TICAM1: variants seen among roughly 807,000 people sequenced by gnomAD.
TICAM1 encodes TIR domain containing adaptor molecule 1, also known as TIR domain-containing adapter molecule 1.
For missense variants in TICAM1, 895 were observed against 938.2 expected (o/e 0.95, Z 0.60); for synonymous variants, 439 against 415.4 (o/e 1.06, Z -0.69).
chr19:4,827,627 G>A (rs1319891862), intron 1 of TICAM1, among the ~76,000 whole-genome samples: 3 of 151,422 alleles, frequency 2.0e-5, no homozygotes, highest in African/African-American at 4.9e-5. Context: ...GTGTGGTGGC[G>A]GGCACCTGTA....
At position 4,818,033 on chromosome 19, in the gene TICAM1, G is replaced by A. The variant is rs781668575; in HGVS notation, c.345C>T (p.Asp115=). The change falls in exon 2 of 2, where the codon GAC becomes GAT. Residue 115 remains aspartate (D), a synonymous_variant. Transcript: ENST00000248244. This position sits in a 1 kb window ranked among gnomAD's most constrained non-coding sequence, Gnocchi z 4.0. ...TGCGGACGGCTTCCTGGTAGGCCAC[G>A]TCCCGCAGCGAGGCGGGGCACAGCT... is the stretch of plus-strand genomic sequence containing the variant. ...EEKLCPASLR[D]VAYQEAVRTL... The A allele has an allele frequency of 6.3e-5, 101 of 1,609,780 alleles. No individual in the cohort carries two copies. The Admixed American group carries it at 9.3e-4, about 15-fold the overall frequency.
Position 4,817,670 on chromosome 19 carries a change from G to T in TICAM1, c.708C>A (p.Ala236=). The T allele has an allele frequency of 6.3e-7, 1 of 1,584,562 alleles. No individual in the cohort carries two copies. Residue 236 remains alanine (A), a synonymous_variant, in exon 2 of 2, where the codon GCC becomes GCA. Transcript: ENST00000248244. The surrounding 1 kb of genome is among the most constrained non-coding windows in gnomAD (Gnocchi z 4.7). ...GPSKLCDDPQ[A]SLVPEPVPGG... is the part of the protein sequence containing the mutation. ...CGGGGACAGGCTCGGGCACCAAGCTGGCCTGGGGGTCGTCACAGAGCTTGC... is the reference window on the plus strand; with the variant it reads ...CGGGGACAGGCTCGGGCACCAAGCTTGCCTGGGGGTCGTCACAGAGCTTGC...
rs1431748150 is a variant in TICAM1, at chr19:4,818,542, C to T, written c.-139-26G>A. The T allele has an allele frequency of 9.5e-6, 13 of 1,375,416 alleles. No homozygotes were observed. Among genetic ancestry groups the T allele is most frequent in the Non-Finnish European group, 1.1e-5 (12 of 1,051,490 alleles). 85.2% of individuals were successfully genotyped at this position (1,375,416 alleles called of 1,614,324 possible). ...CTGTAGGAAACAGGAGAAGCAAACA[C>T]ACTTACCCCCAAGAAAGGTCAGCAC... On this transcript the variant is annotated intron_variant, in intron 1 of 1. Coordinates refer to ENST00000248244, the MANE Select transcript of TICAM1 (RefSeq NM_182919.4). The surrounding 1 kb of genome is among the most constrained non-coding windows in gnomAD (Gnocchi z 4.0).
Position 4,818,341 on chromosome 19 carries a change from C to A in TICAM1, c.37G>T (p.Asp13Tyr), listed in dbSNP as rs142880589. The A allele has an allele frequency of 6.2e-7, 1 of 1,610,798 alleles. No homozygotes were observed. Among genetic ancestry groups the A allele is most frequent in the Non-Finnish European group, 8.5e-7 (1 of 1,178,946 alleles). The change falls in exon 2 of 2, where the codon GAC becomes TAC. Residue 13 changes from aspartate to tyrosine, a missense_variant. Coordinates refer to ENST00000248244, the MANE Select transcript of TICAM1 (RefSeq NM_182919.4). The surrounding 1 kb of genome is among the most constrained non-coding windows in gnomAD (Gnocchi z 4.0). ...TCCTGGCCTGCTGCACCTAGAATGT[C>A]GAAGGCGCTAGGAAGTGATGGGCCT... ...CTGPSLPSAF[D>Y]ILGAAGQDKL...
intron 1 of TICAM1, among the ~76,000 whole-genome samples, chr19:4,827,862 C>T (rs894430082): frequency 1.3e-5 from 2 of 152,010 alleles, no homozygotes; most frequent in African/African-American, 4.8e-5. Context: ...AATACCCCCA[C>T]CCCCCGTTAA....
At chr19:4,819,232 C>T (rs2093593182) in intron 1 of TICAM1, among the ~76,000 whole-genome samples, 1 of 150,804 alleles carries the variant, frequency 6.6e-6, no homozygotes. Context: ...TATGATGGTA[C>T]CACTGCACTC....
intron 1 of TICAM1, among the ~76,000 whole-genome samples, chr19:4,824,841 G>A (rs1382055966): frequency 6.6e-6 from 1 of 152,054 alleles, no homozygotes; most frequent in Non-Finnish European, 1.5e-5. Context: ...GCTGAGGTGG[G>A]AGAATCACCT....
rs770034965 is a variant in TICAM1, at chr19:4,817,023, A to G, written c.1355T>C (p.Ile452Thr). 1.8e-5 allele frequency: 29 copies of G among 1,614,012 alleles called. No individual in the cohort carries two copies. The highest frequency in any genetic ancestry group is 1.6e-4 in the Middle Eastern group (1 of 6,084). Residue 452 changes from isoleucine to threonine, a missense_variant, in exon 2 of 2, where the codon ATC becomes ACC. Coordinates refer to ENST00000248244, the MANE Select transcript of TICAM1 (RefSeq NM_182919.4). This position sits in a 1 kb window ranked among gnomAD's most constrained non-coding sequence, Gnocchi z 4.7. ...LQDAIDHSAF[I>T]ILLLTSNFDC... ...GAAGTTGGAGGTGAGAAGTAGGATG[A>G]TGAAAGCTGAGTGGTCTATGGCGTC... is the stretch of plus-strand genomic sequence containing the variant.
intron 1 of TICAM1, among the ~76,000 whole-genome samples, chr19:4,829,167 C>T (rs1277922194): frequency 3.9e-5 from 6 of 152,134 alleles, no homozygotes; most frequent in Non-Finnish European, 7.3e-5. Context: ...GCCTGGCACA[C>T]GCATGCCCCA....
chr19:4,817,129 C>T lies in TICAM1; in HGVS notation c.1249G>A (p.Glu417Lys). ...HIALRVREKL[E>K]ALGVPDGATF... ...GCCCCGTCGGGCACGCCAAGGGCCT[C>T]CAGCTTCTCCCGAACCCGCAGGGCG... Residue 417 changes from glutamate to lysine, a missense_variant, in exon 2 of 2, where the codon GAG (glutamate) becomes AAG (lysine). By Grantham distance (56) the Glu-to-Lys change is moderately conservative. Transcript: ENST00000248244. This position sits in a 1 kb window ranked among gnomAD's most constrained non-coding sequence, Gnocchi z 4.7. 1 of 1,614,104 alleles carries T rather than the reference C, an allele frequency of 6.2e-7. No homozygotes were observed. The highest frequency in any genetic ancestry group is 8.5e-7 in the Non-Finnish European group (1 of 1,180,014).
At chr19:4,830,655 C>G (rs541081503) in intron 1 of TICAM1, among the ~76,000 whole-genome samples, 3 of 152,156 alleles carry the variant, frequency 2.0e-5, no homozygotes, top group Non-Finnish European at 1.5e-5. Context: ...GGGAGACCAA[C>G]AGTAAGCGAG....
Position 4,816,279 on chromosome 19 carries a change from C to T in TICAM1, c.2099G>A (p.Gly700Glu). The change falls in exon 2 of 2, where the codon GGG becomes GAG. Residue 700 changes from glycine to glutamate, a missense_variant. By Grantham distance (98) the Gly-to-Glu change is moderately conservative. Transcript: ENST00000248244. This position sits in a 1 kb window ranked among gnomAD's most constrained non-coding sequence, Gnocchi z 4.3. ...GLNNHMWNQR[G>E]SQAPEDKTQE... ...CGTCTTGTCCTCGGGCGCCTGGGACCCTCTCTGGTTCCACATGTGGTTGTT... is the reference window on the plus strand; with the variant it reads ...CGTCTTGTCCTCGGGCGCCTGGGACTCTCTCTGGTTCCACATGTGGTTGTT... 2 of 1,515,886 alleles carry T rather than the reference C, an allele frequency of 1.3e-6. No individual in the cohort carries two copies. Among genetic ancestry groups the T allele is most frequent in the Non-Finnish European group, 1.8e-6 (2 of 1,133,134 alleles). The allele number at this position is 1,515,886 out of a possible 1,614,324, so 93.9% of individuals were successfully genotyped here. A position where few individuals can be genotyped will look rare whatever the true frequency, so the allele number is the denominator to read the frequency against.
chr19:4,828,848 G>C (rs539946419), intron 1 of TICAM1, among the ~76,000 whole-genome samples: 1 of 151,798 alleles, frequency 6.6e-6, no homozygotes, highest in African/African-American at 2.4e-5. Flanking sequence ...GACTACAGGT[G>C]CATGCCACCA....
At chr19:4,823,568 G>A (rs745322415) in intron 1 of TICAM1, among the ~76,000 whole-genome samples, 1 of 151,970 alleles carries the variant, frequency 6.6e-6, no homozygotes. Flanking sequence ...CTGGGAGGTT[G>A]AGGCTGCAGC....
At chr19:4,827,793 GACC>G in intron 1 of TICAM1, among the ~76,000 whole-genome samples, 1 of 151,760 alleles carries the variant, frequency 6.6e-6, no homozygotes, top group South Asian at 2.1e-4. Context: ...ATTCAGGTGG[GACC>G]ACAAGTCGGC....
At chr19:4,829,922 T>C (rs2146183921) in intron 1 of TICAM1, among the ~76,000 whole-genome samples, 1 of 148,160 alleles carries the variant, frequency 6.7e-6, no homozygotes, top group African/African-American at 2.5e-5. Context: ...GTGATTCTCC[T>C]GCCTCATCCT....
intron 1 of TICAM1, among the ~76,000 whole-genome samples, chr19:4,824,329 A>ATTTT (rs1213088504): frequency 7.4e-5 from 8 of 107,386 alleles, no homozygotes; most frequent in African/African-American, 1.6e-4. Flanking sequence ...CTTTTATCCA[A>ATTTT]TTTTTTTTTT....
intron 1 of TICAM1, among the ~76,000 whole-genome samples, chr19:4,819,033 C>T (rs2093592889): frequency 6.6e-6 from 1 of 152,094 alleles, no homozygotes; most frequent in Non-Finnish European, 1.5e-5. Context: ...ATCGCTTGAA[C>T]ACAGGAGGTG....
At position 4,817,300 on chromosome 19, in the gene TICAM1, G is replaced by GA; in HGVS notation, c.1077_1078insT (p.Pro360SerfsTer37). 1 of 1,613,748 alleles carries GA rather than the reference G, an allele frequency of 6.2e-7. No individual in the cohort carries two copies. Among genetic ancestry groups the GA allele is most frequent in the Non-Finnish European group, 8.5e-7 (1 of 1,179,964 alleles). The stretch of plus-strand genomic sequence containing the variant: ...GAAGGAGGAGGAGGAGGAGGAGGAG[G>GA]GGATGTTTCTGGGGTGGTGGGAGTA... On this transcript the variant is annotated frameshift_variant, in exon 2 of 2. Coordinates refer to ENST00000248244, the MANE Select transcript of TICAM1 (RefSeq NM_182919.4). LOFTEE classifies it low-confidence loss of function (END_TRUNC). The surrounding 1 kb of genome is among the most constrained non-coding windows in gnomAD (Gnocchi z 4.7).
Sources: allele counts gnomAD v4.1 joint callset (sites outside exome capture counted in the v4.1 genomes callset), GRCh38; gene constraint gnomAD v4.1.1; non-coding constraint Gnocchi (gnomAD v3.1); transcripts MANE v1.5; gene names NCBI Gene and HGNC (gene_info 2026-07-23, HGNC 2026-07-21).